TECPR2: variants seen among roughly 807,000 people sequenced by gnomAD.
TECPR2 encodes the protein tectonin beta-propeller repeat containing 2, also known as tectonin beta-propeller repeat-containing protein 2.
TECPR2 carries 65 observed loss-of-function variants against 138.1 expected under a neutral mutation model. That is an observed-to-expected ratio of 0.47 (90% CI 0.39 to 0.58). TECPR2 has a LOEUF of 0.58. Ranked by LOEUF, TECPR2 falls within the 20% of genes least tolerant of loss-of-function variation. The pLI, the probability that TECPR2 is intolerant of heterozygous loss-of-function variation, is 0.00. For synonymous variants in TECPR2, 746 were observed against 749.8 expected, an observed-to-expected ratio of 0.99 and a Z score of 0.08; for missense variants, 1,553 against 1,824.5, an observed-to-expected ratio of 0.85 and a Z score of 2.71.
intron 1 of TECPR2, among the ~76,000 whole-genome samples, chr14:102,368,497 C>G (rs1887407308): frequency 6.6e-6 from 1 of 152,204 alleles, no homozygotes; most frequent in Admixed American, 6.5e-5. Context: ...CGTGCCACTG[C>G]ACCCAGCTTT....
chr14:102,406,507 C>T (rs746437086), intron 2 of TECPR2, among the ~76,000 whole-genome samples: 2 of 151,504 alleles, frequency 1.3e-5, no homozygotes, highest in Non-Finnish European at 2.9e-5. Context: ...GGTGGCGCCA[C>T]TGCACTCCAG....
intron 16 of TECPR2, among the ~76,000 whole-genome samples, chr14:102,464,001 G>C (rs1890484626): frequency 6.6e-6 from 1 of 152,188 alleles, no homozygotes; most frequent in South Asian, 2.1e-4. Context: ...TGTAGGTAAA[G>C]TCTCAGAGGT....
In TECPR2 at chr14:102,502,088, T is replaced by C. The variant is rs1891451598; in HGVS notation, c.*3831T>C. 1 of 152,228 alleles carries C rather than the reference T, an allele frequency of 6.6e-6. No homozygotes were observed. The highest frequency in any genetic ancestry group is 2.4e-5 in the African/African-American group (1 of 41,452). The allele number at this position is 152,228 out of a possible 1,614,324, so 9.4% of individuals were successfully genotyped here. On this transcript the variant is annotated 3_prime_UTR_variant, in exon 20 of 20. Coordinates refer to ENST00000359520, the MANE Select transcript of TECPR2 (RefSeq NM_014844.5). ...AACAGCCATGTTAACGTGAGCAAAT[T>C]CCTCTCATGAAATAGCCTGCAGCTA...
At chr14:102,401,250 G>A (rs1369997333) in intron 2 of TECPR2, among the ~76,000 whole-genome samples, 1 of 151,650 alleles carries the variant, frequency 6.6e-6, no homozygotes, top group Non-Finnish European at 1.5e-5. Context: ...ACCAGCCTGG[G>A]TAACATGGTG....
At chr14:102,368,407 T>C (rs779053464) in intron 1 of TECPR2, among the ~76,000 whole-genome samples, 6 of 152,184 alleles carry the variant, frequency 3.9e-5, no homozygotes, top group Non-Finnish European at 7.4e-5. Flanking sequence ...AGTCTTGCTG[T>C]GTTGATCAGG....
chr14:102,373,566 T>G (rs893426075), intron 1 of TECPR2, among the ~76,000 whole-genome samples: 5 of 152,212 alleles, frequency 3.3e-5, no homozygotes, highest in African/African-American at 1.2e-4. Context: ...TCTTTTCAGC[T>G]TATGACGGTT....
intron 2 of TECPR2, among the ~76,000 whole-genome samples, chr14:102,396,311 C>T (rs1888314550): frequency 6.6e-6 from 1 of 152,080 alleles, no homozygotes; most frequent in Admixed American, 6.6e-5. Context: ...CCGTGTTGGC[C>T]AGGCTGGTCT....
chr14:102,479,880 T>C (rs1489306220), intron 17 of TECPR2, among the ~76,000 whole-genome samples: 1 of 152,230 alleles, frequency 6.6e-6, no homozygotes, highest in Non-Finnish European at 1.5e-5. Context: ...GCAGATGGCA[T>C]GTGGCCATTT....
Position 102,443,600 on chromosome 14 carries a change from G to A in TECPR2, c.2753-47G>A, listed in dbSNP as rs1297934535. On this transcript the variant is annotated intron_variant, in intron 11 of 19. Transcript: ENST00000359520. This position sits in a 1 kb window ranked among gnomAD's most constrained non-coding sequence, Gnocchi z 4.9. The stretch of plus-strand genomic sequence containing the variant: ...AATAACCAAGTCAAAATGAGGTGTG[G>A]AGTTCTGACTGTGTGTCTTTGGGGC... 2 of 1,443,484 alleles carry A rather than the reference G, an allele frequency of 1.4e-6. No individual in the cohort carries two copies. Among genetic ancestry groups the A allele is most frequent in the Non-Finnish European group, 1.9e-6 (2 of 1,080,712 alleles). 89.4% of individuals were successfully genotyped at this position (1,443,484 alleles called of 1,614,324 possible).
intron 2 of TECPR2, among the ~76,000 whole-genome samples, chr14:102,382,479 C>T (rs961183286): frequency 5.9e-5 from 9 of 152,324 alleles, no homozygotes; most frequent in African/African-American, 2.2e-4. Context: ...GTGGAGACTT[C>T]AGTATTCCTC....
At chr14:102,390,532 G>A (rs1005889527) in intron 2 of TECPR2, among the ~76,000 whole-genome samples, 1 of 152,160 alleles carries the variant, frequency 6.6e-6, no homozygotes. Context: ...AAGAGAATGT[G>A]TGTGGCAGAA....
chr14:102,381,471 A>G (rs7159505), intron 2 of TECPR2, among the ~76,000 whole-genome samples: 6,065 of 152,224 alleles, frequency 0.04, 137 homozygotes, highest in Middle Eastern at 0.088. Flanking sequence ...CTACTGAGAA[A>G]GCTGAGGCAT....
chr14:102,389,386 T>C (rs1242966827), intron 2 of TECPR2, among the ~76,000 whole-genome samples: 1 of 152,058 alleles, frequency 6.6e-6, no homozygotes, highest in Non-Finnish European at 1.5e-5. Flanking sequence ...TTGTAGTGGG[T>C]GGAATAGTCA....
intron 17 of TECPR2, among the ~76,000 whole-genome samples, chr14:102,469,084 C>T (rs1179374646): frequency 6.6e-6 from 1 of 152,050 alleles, no homozygotes; most frequent in Non-Finnish European, 1.5e-5. Flanking sequence ...CATGGAGCCC[C>T]TCCTACATCC....
intron 13 of TECPR2, among the ~76,000 whole-genome samples, chr14:102,446,441 A>G (rs960776531): frequency 5.3e-5 from 8 of 152,308 alleles, no homozygotes; most frequent in Middle Eastern, 3.4e-3. Flanking sequence ...TCTACCAAAA[A>G]TACAAAAATT....
intron 4 of TECPR2, among the ~76,000 whole-genome samples, chr14:102,410,170 A>G (rs900465550): frequency 5.3e-5 from 8 of 150,010 alleles, no homozygotes; most frequent in Non-Finnish European, 6.0e-5. Context: ...TAAGTGACAT[A>G]TTTTGTGAAA....
intron 1 of TECPR2, among the ~76,000 whole-genome samples, chr14:102,369,794 C>CAAAA (rs1354299593): frequency 7.3e-5 from 11 of 151,234 alleles, no homozygotes; most frequent in South Asian, 2.1e-4. Context: ...AACAAAAAAA[C>CAAAA]AAAAAAACAA....
At position 102,443,858 on chromosome 14, in the gene TECPR2, C is replaced by T. The variant is rs1469110126; in HGVS notation, c.2933+31C>T. ...GGCGGGCCAGAGACTCCTTTCACAT[C>T]GTGCTTGTCCTACCCTTCGTTCTTG... On this transcript the variant is annotated intron_variant, in intron 12 of 19. Coordinates refer to ENST00000359520, the MANE Select transcript of TECPR2 (RefSeq NM_014844.5). This position sits in a 1 kb window ranked among gnomAD's most constrained non-coding sequence, Gnocchi z 4.9. The T allele has an allele frequency of 4.0e-6, 6 of 1,505,312 alleles. No homozygotes were observed. The highest frequency in any genetic ancestry group is 1.3e-5 in the South Asian group (1 of 75,922). 93.2% of individuals were successfully genotyped at this position (1,505,312 alleles called of 1,614,324 possible). A position where few individuals can be genotyped will look rare whatever the true frequency, so the allele number is the denominator to read the frequency against.
At chr14:102,433,143 A>G (rs530504019) in intron 8 of TECPR2, among the ~76,000 whole-genome samples, 38 of 152,138 alleles carry the variant, frequency 2.5e-4, no homozygotes, top group Non-Finnish European at 4.0e-4. Flanking sequence ...TTTAGTGTTG[A>G]ATATGCTACC....
Sources: gnomAD v4.1 joint callset for allele counts (sites outside exome capture counted in the v4.1 genomes callset) on GRCh38, gnomAD v4.1.1 for gene constraint, Gnocchi (gnomAD v3.1) non-coding constraint, MANE v1.5 for transcripts, NCBI Gene and HGNC (gene_info 2026-07-23, HGNC 2026-07-21) for gene names.